Variants in LRP4 observed in about 807,000 individuals in gnomAD.
LRP4 encodes LDL receptor related protein 4.
A neutral mutation model predicts 220.3 loss-of-function variants in LRP4; 95 were observed. The ratio of observed to expected loss-of-function variants is 0.43; its 90% CI spans 0.37 to 0.51. The LOEUF (loss-of-function observed/expected upper bound fraction) is 0.51. Ranked by LOEUF, LRP4 falls within the 20% of genes least tolerant of loss-of-function variation. LRP4 has a pLI of 0.00. For missense variants in LRP4, 1,925 were observed against 2,567.0 expected (o/e 0.75, Z 5.40); for synonymous variants, 903 against 954.6 (o/e 0.95, Z 1.00).
Position 46,898,446 on chromosome 11 carries a change from A to G in LRP4, c.796+112T>C, listed in dbSNP as rs1236224405. 14 of 1,487,104 alleles carry G rather than the reference A, an allele frequency of 9.4e-6. 1 individual carries two copies. The highest frequency in any genetic ancestry group is 1.4e-5 in the African/African-American group (1 of 72,580). The allele number at this position is 1,487,104 out of a possible 1,614,324, so 92.1% of individuals were successfully genotyped here. A position where few individuals can be genotyped will look rare whatever the true frequency, so the allele number is the denominator to read the frequency against. On this transcript the variant is annotated intron_variant, in intron 7 of 37. Coordinates refer to ENST00000378623, the MANE Select transcript of LRP4 (RefSeq NM_002334.4). ...AGCAATCCACCCACCTTGGTCTCCC[A>G]AAGTGCTGGCATTATAAGCATGAGC... is the stretch of plus-strand genomic sequence containing the variant.
At chr11:46,901,831 T>A (rs1941670839) in intron 2 of LRP4, among the ~76,000 whole-genome samples, 1 of 151,902 alleles carries the variant, frequency 6.6e-6, no homozygotes, top group Non-Finnish European at 1.5e-5. Flanking sequence ...CTCCCGGGTT[T>A]ACACCATTCT....
At chr11:46,872,040 T>C (rs1468940038) in intron 30 of LRP4, among the ~76,000 whole-genome samples, 3 of 152,032 alleles carry the variant, frequency 2.0e-5, no homozygotes, top group Non-Finnish European at 4.4e-5. Flanking sequence ...GGGGATCACT[T>C]GAGGTCAGGA....
Position 46,899,758 on chromosome 11 carries a change from G to C in LRP4, c.430+105C>G, listed in dbSNP as rs2134864248. 1.0e-6 allele frequency: 1 copy of C among 974,380 alleles called. No homozygotes were observed. The highest frequency in any genetic ancestry group is 1.6e-5 in the African/African-American group (1 of 63,012). 60.4% of individuals were successfully genotyped at this position (974,380 alleles called of 1,614,324 possible). On this transcript the variant is annotated intron_variant, in intron 4 of 37. Transcript: ENST00000378623. The surrounding 1 kb of genome is among the most constrained non-coding windows in gnomAD (Gnocchi z 5.9). ...TTCCTCTAGCTGCTCCAGATATCTG[G>C]GCAGTTGGAGGTTTGGCAGTGCTAG...
chr11:46,908,482 T>C (rs1013444763), intron 1 of LRP4, among the ~76,000 whole-genome samples: 7 of 152,204 alleles, frequency 4.6e-5, no homozygotes, highest in East Asian at 1.9e-4. Flanking sequence ...TGTAGATAGA[T>C]TGCACAAGTA....
chr11:46,888,819 T>C (rs886789326), intron 16 of LRP4, among the ~76,000 whole-genome samples: 2 of 152,118 alleles, frequency 1.3e-5, no homozygotes, highest in Non-Finnish European at 2.9e-5. Context: ...CGCTCCTCTC[T>C]GGACTATTCT....
At chr11:46,859,720 G>A (rs1047868976) in intron 37 of LRP4, among the ~76,000 whole-genome samples, 6 of 152,142 alleles carry the variant, frequency 3.9e-5, no homozygotes, top group African/African-American at 1.4e-4. Flanking sequence ...TTATCAGGGA[G>A]CTTGACACAA....
chr11:46,901,331 T>C (rs1052027136), intron 2 of LRP4, among the ~76,000 whole-genome samples: 5 of 152,196 alleles, frequency 3.3e-5, no homozygotes, highest in Non-Finnish European at 5.9e-5. Context: ...TAAATGATGA[T>C]TGACACACCC....
intron 20 of LRP4, among the ~76,000 whole-genome samples, chr11:46,879,896 G>A (rs755610910): frequency 1.4e-4 from 22 of 152,228 alleles, no homozygotes; most frequent in Non-Finnish European, 2.9e-4. Flanking sequence ...CCTGAGGTCA[G>A]GAGTTCGAGA....
chr11:46,893,203 C>T (rs943297430), intron 12 of LRP4, 74 bp from the exon 13 acceptor site: 30 of 1,576,774 alleles, frequency 1.9e-5, no homozygotes, highest in Non-Finnish European at 2.6e-5. Flanking sequence ...TAGGAGCAAA[C>T]TCTTACAGGA....
Position 46,879,112 on chromosome 11 carries a change from C to G in LRP4, c.3004+14G>C, listed in dbSNP as rs201224097. The G allele has an allele frequency of 9.9e-6, 16 of 1,614,226 alleles. No homozygotes were observed. Among genetic ancestry groups the G allele is most frequent in the African/African-American group, 9.3e-5 (7 of 75,074 alleles). On this transcript the variant is annotated intron_variant, in intron 21 of 37. Coordinates refer to ENST00000378623, the MANE Select transcript of LRP4 (RefSeq NM_002334.4). ...GGGCCACGGAGAAGCCAATGCGAGC[C>G]AAGGGCTGCTCACCTGGGGGCCGGC...
chr11:46,902,988 C>A, intron 1 of LRP4, 59 bp from the exon 2 acceptor site: 2 of 1,609,976 alleles, frequency 1.2e-6, no homozygotes, highest in South Asian at 2.2e-5. Context: ...CAAGCCCATT[C>A]CGAGGGGAAA....
Position 46,918,459 on chromosome 11 carries a change from G to A in LRP4, c.-80C>T, listed in dbSNP as rs1274524165. 1 of 1,113,174 alleles carries A rather than the reference G, an allele frequency of 9.0e-7. No individual in the cohort carries two copies. The highest frequency in any genetic ancestry group is 1.1e-6 in the Non-Finnish European group (1 of 880,532). 69.0% of individuals were successfully genotyped at this position (1,113,174 alleles called of 1,614,324 possible). On this transcript the variant is annotated 5_prime_UTR_variant, in exon 1 of 38. Transcript: ENST00000378623. The surrounding 1 kb of genome is among the most constrained non-coding windows in gnomAD (Gnocchi z 6.0). ...GCGGAGAAGCCCGCGGAGGGTCCCC[G>A]AGGGGGAAGCGTCCCGGGTGCACGG... is the stretch of plus-strand genomic sequence containing the variant.
In LRP4 at chr11:46,918,475, G is replaced by A. The variant is rs1941987772; in HGVS notation, c.-96C>T. On this transcript the variant is annotated 5_prime_UTR_variant, in exon 1 of 38. Transcript: ENST00000378623. This position sits in a 1 kb window ranked among gnomAD's most constrained non-coding sequence, Gnocchi z 6.0. ...AGGGTCCCCGAGGGGGAAGCGTCCC[G>A]GGTGCACGGCGGCCTGCGCGCCCCG... 1 of 925,866 alleles carries A rather than the reference G, an allele frequency of 1.1e-6. No homozygotes were observed. The highest frequency in any genetic ancestry group is 4.6e-5 in the South Asian group (1 of 21,634). The allele number at this position is 925,866 out of a possible 1,614,324, so 57.4% of individuals were successfully genotyped here.
chr11:46,875,775 C>T lies in LRP4; in HGVS notation c.3699+29G>A, dbSNP rs1290498681. ...AGGCCTTTCCCATCTTCCCAGGCTC[C>T]TGGGAAGCAGCAGGGACACGGCTCT... On this transcript the variant is annotated intron_variant, in intron 26 of 37. Coordinates refer to ENST00000378623, the MANE Select transcript of LRP4 (RefSeq NM_002334.4). This position sits in a 1 kb window ranked among gnomAD's most constrained non-coding sequence, Gnocchi z 4.5. The T allele has an allele frequency of 1.2e-6, 2 of 1,614,022 alleles. No homozygotes were observed. Among genetic ancestry groups the T allele is most frequent in the South Asian group, 1.1e-5 (1 of 91,072 alleles).
At chr11:46,898,094 C>CG (rs1941582939) in intron 7 of LRP4, among the ~76,000 whole-genome samples, 2 of 146,918 alleles carry the variant, frequency 1.4e-5, no homozygotes, top group Admixed American at 6.8e-5. Context: ...GCTGACCGGG[C>CG]GGGGGGCTGA....
intron 8 of LRP4, among the ~76,000 whole-genome samples, chr11:46,896,543 T>C (rs1405663129): frequency 6.6e-6 from 1 of 152,170 alleles, no homozygotes; most frequent in Non-Finnish European, 1.5e-5. Context: ...GTGAGGAATA[T>C]GGAACAGAAT....
chr11:46,867,385 A>AAG (rs1940732187), intron 34 of LRP4, among the ~76,000 whole-genome samples: 1 of 152,206 alleles, frequency 6.6e-6, no homozygotes, highest in African/African-American at 2.4e-5. Flanking sequence ...CAGAGAGAAG[A>AAG]AGGAGGAATA....
intron 1 of LRP4, among the ~76,000 whole-genome samples, chr11:46,907,379 T>C (rs1941779467): frequency 6.6e-6 from 1 of 152,224 alleles, no homozygotes; most frequent in East Asian, 1.9e-4. Context: ...ACTAAAATCT[T>C]ACCTTTTACA....
At position 46,918,132 on chromosome 11, in the gene LRP4, G is replaced by A. The variant is rs1239834176; in HGVS notation, c.52+196C>T. 6.6e-6 allele frequency among the ~76,000 whole-genome samples: 1 copy of A among 151,600 alleles called. No homozygotes were observed. The highest frequency in any genetic ancestry group is 1.5e-5 in the Non-Finnish European group (1 of 67,844). ...GGCCCAGACCCGAACCCGCGGAAGC[G>A]CCTCCGCTGATGCCCCCGCTCGGAC... On this transcript the variant is annotated intron_variant, in intron 1 of 37. Coordinates refer to ENST00000378623, the MANE Select transcript of LRP4 (RefSeq NM_002334.4). This position sits in a 1 kb window ranked among gnomAD's most constrained non-coding sequence, Gnocchi z 6.0.
Sources: gnomAD v4.1 joint callset for allele counts (sites outside exome capture counted in the v4.1 genomes callset) on GRCh38, gnomAD v4.1.1 for gene constraint, Gnocchi (gnomAD v3.1) non-coding constraint, MANE v1.5 for transcripts, NCBI Gene and HGNC (gene_info 2026-07-23, HGNC 2026-07-21) for gene names.